Variants in DOCK4 observed in about 807,000 individuals in gnomAD.
DOCK4 encodes the protein dedicator of cytokinesis 4.
A neutral mutation model predicts 268.1 loss-of-function variants in DOCK4; 97 were observed. The observed-to-expected ratio is 0.36, with a 90% confidence interval of 0.31 to 0.43. The LOEUF (loss-of-function observed/expected upper bound fraction) is 0.43, where lower values mean the gene tolerates loss of function less well. Among genes scored for constraint, DOCK4 ranks in the 20% least tolerant of loss-of-function variants. The probability of loss-of-function intolerance (pLI) is 1.00; values close to 1 mark genes in which losing one functional copy is unlikely to be tolerated. For synonymous variants in DOCK4, 954 were observed against 887.2 expected (o/e 1.08, Z -1.34); for missense variants, 2,145 against 2,455.7 (o/e 0.87, Z 2.67).
intron 46 of DOCK4, 36 bp from the exon 47 acceptor site, chr7:111,741,250 T>C: frequency 6.2e-7 from 1 of 1,610,660 alleles, no homozygotes; most frequent in Non-Finnish European, 8.5e-7. Context: ...ATTAACTCAG[T>C]CTCCAAATTG....
chr7:111,864,869 G>C (rs961527503), intron 22 of DOCK4, among the ~76,000 whole-genome samples: 1 of 152,138 alleles, frequency 6.6e-6, no homozygotes, highest in Non-Finnish European at 1.5e-5. Context: ...TTTTCCTCAG[G>C]TATCCCTTAA....
At chr7:111,869,730 TAACTA>T in intron 20 of DOCK4, 75 bp from the exon 21 acceptor site, 1 of 1,237,296 alleles carries the variant, frequency 8.1e-7, no homozygotes, top group Non-Finnish European at 1.2e-6. Context: ...ATCCAACTCT[TAACTA>T]TATCATGAGG....
chr7:111,906,112 C>G (rs1212511433), intron 13 of DOCK4, among the ~76,000 whole-genome samples: 1 of 152,028 alleles, frequency 6.6e-6, no homozygotes, highest in East Asian at 1.9e-4. Flanking sequence ...TAATTCCATG[C>G]AGTAAGAATG....
At chr7:111,730,541 C>T (rs1251206023) in intron 52 of DOCK4, among the ~76,000 whole-genome samples, 2 of 152,188 alleles carry the variant, frequency 1.3e-5, no homozygotes, top group Admixed American at 1.3e-4. Context: ...TTCACTGCTA[C>T]CTCTGTCAAA....
chr7:112,123,308 G>GGGGAA (rs1169597915), intron 1 of DOCK4, among the ~76,000 whole-genome samples: 1 of 152,172 alleles, frequency 6.6e-6, no homozygotes, highest in Non-Finnish European at 1.5e-5. Flanking sequence ...GAGGAGAAAG[G>GGGGAA]GGGAAGGTCA....
rs554668926 is a variant in DOCK4 at position 111,877,201 on chromosome 7, T to TA, written c.1588-16dup. 3,490 of 1,424,450 alleles carry TA rather than the reference T, an allele frequency of 2.5e-3. 5 individuals carry two copies. Among genetic ancestry groups the TA allele is most frequent in the Admixed American group, 4.6e-3 (158 of 34,622 alleles). 88.2% of individuals were successfully genotyped at this position (1,424,450 alleles called of 1,614,324 possible). A position where few individuals can be genotyped will look rare whatever the true frequency, so the allele number is the denominator to read the frequency against. On this transcript the variant is annotated splice_polypyrimidine_tract_variant and intron_variant, in intron 16 of 52. Coordinates refer to ENST00000428084, the MANE Select transcript of DOCK4 (RefSeq NM_001363540.2). Reference sequence around the variant, plus strand: ...TTTTCTTCACACTGTTAAAAATATTTAAAAAAACATAAGGGAAGGGGAAGA... The same window carrying TA: ...TTTTCTTCACACTGTTAAAAATATTTAAAAAAAACATAAGGGAAGGGGAAGA...
At chr7:111,786,949 C>T (rs888968556) in intron 32 of DOCK4, among the ~76,000 whole-genome samples, 1 of 152,092 alleles carries the variant, frequency 6.6e-6, no homozygotes, top group Non-Finnish European at 1.5e-5. Context: ...TTTATAGTAG[C>T]ATTTCTAGTA....
chr7:111,978,558 T>A (rs536605307), intron 7 of DOCK4, among the ~76,000 whole-genome samples: 1 of 152,206 alleles, frequency 6.6e-6, no homozygotes, highest in East Asian at 1.9e-4. Context: ...GATGAGAGTA[T>A]AAAAGTGGGG....
intron 51 of DOCK4, chr7:111,732,617 T>G (rs951664677): frequency 1.1e-5 from 3 of 279,792 alleles, no homozygotes; most frequent in African/African-American, 6.5e-5. Flanking sequence ...ATCTGTCTCA[T>G]AAGGTGCTTT....
At chr7:112,022,863 G>C (rs750016939) in intron 1 of DOCK4, among the ~76,000 whole-genome samples, 5 of 152,128 alleles carry the variant, frequency 3.3e-5, no homozygotes, top group Non-Finnish European at 5.9e-5. Context: ...GAAGTGAAAG[G>C]CCTGTAAATT....
At chr7:112,044,478 T>C (rs1804658913) in intron 1 of DOCK4, among the ~76,000 whole-genome samples, 1 of 152,214 alleles carries the variant, frequency 6.6e-6, no homozygotes, top group Non-Finnish European at 1.5e-5. Flanking sequence ...TAAGTTTTTC[T>C]ACTTAAATTA....
At chr7:111,925,029 G>A (rs1359726242) in intron 12 of DOCK4, among the ~76,000 whole-genome samples, 2 of 152,106 alleles carry the variant, frequency 1.3e-5, no homozygotes, top group East Asian at 1.9e-4. Flanking sequence ...TCCTATAGAT[G>A]ATATTAGTAG....
chr7:111,993,999 C>T, intron 5 of DOCK4, 136 bp downstream of exon 5: 1 of 510,178 alleles, frequency 2.0e-6, no homozygotes, highest in South Asian at 3.7e-5. Flanking sequence ...ACAAGACTGT[C>T]TTGTTAATAT....
chr7:112,194,083 T>C (rs983477775), intron 1 of DOCK4, among the ~76,000 whole-genome samples: 4 of 152,184 alleles, frequency 2.6e-5, no homozygotes, highest in African/African-American at 9.6e-5. Flanking sequence ...GAGTTAGGGC[T>C]TCAACATATG....
At chr7:111,980,551 C>A (rs897243203) in intron 7 of DOCK4, among the ~76,000 whole-genome samples, 6 of 152,156 alleles carry the variant, frequency 3.9e-5, no homozygotes, top group Non-Finnish European at 8.8e-5. Context: ...ATTGAATGAA[C>A]TGTCTACACC....
At chr7:112,199,389 C>G (rs1447335462) in intron 1 of DOCK4, among the ~76,000 whole-genome samples, 1 of 152,138 alleles carries the variant, frequency 6.6e-6, no homozygotes, top group African/African-American at 2.4e-5. Context: ...CCATACATTC[C>G]TCAGGGTACT....
At position 111,741,535 on chromosome 7, in the gene DOCK4, C is replaced by G; in HGVS notation, c.4919+5G>C. 1 of 1,612,294 alleles carries G rather than the reference C, an allele frequency of 6.2e-7. No individual in the cohort carries two copies. The highest frequency in any genetic ancestry group is 8.5e-7 in the Non-Finnish European group (1 of 1,179,224). On this transcript the variant is annotated splice_donor_5th_base_variant and intron_variant, in intron 46 of 52. Transcript: ENST00000428084. ...AATTGTAAGATAATTTGGAATATGACTTACCTGCGTCTAGGAATTACCCTG... is the reference window on the plus strand; with the variant it reads ...AATTGTAAGATAATTTGGAATATGAGTTACCTGCGTCTAGGAATTACCCTG...
intron 7 of DOCK4, among the ~76,000 whole-genome samples, chr7:111,979,645 C>G (rs1182063513): frequency 1.3e-5 from 2 of 152,070 alleles, no homozygotes; most frequent in African/African-American, 4.8e-5. Flanking sequence ...GGTAACAGAG[C>G]ACAAGCTACT....
intron 8 of DOCK4, among the ~76,000 whole-genome samples, chr7:111,968,594 A>G (rs1242070141): frequency 9.1e-6 from 1 of 109,314 alleles, no homozygotes; most frequent in East Asian, 3.4e-4. Flanking sequence ...AAATAGGAAC[A>G]CTTTTACACT....
Sources: allele counts gnomAD v4.1 joint callset (sites outside exome capture counted in the v4.1 genomes callset), GRCh38; gene constraint gnomAD v4.1.1; transcripts MANE v1.5; gene names NCBI Gene and HGNC (gene_info 2026-07-23, HGNC 2026-07-21).